Variants in RIN1 observed in about 807,000 individuals in gnomAD.
RIN1 encodes the protein ras inhibitor 1.
Under a neutral mutation model 64.9 loss-of-function variants are expected in RIN1, and 52 were observed. That is an observed-to-expected ratio of 0.80 (90% CI 0.64 to 1.01). RIN1 has a LOEUF of 1.01. Among genes scored for constraint, RIN1 ranks in the 50% least tolerant of loss-of-function variants. The probability of loss-of-function intolerance (pLI) is 0.00; values close to 1 mark genes in which losing one functional copy is unlikely to be tolerated. For missense variants in RIN1, 1,040 were observed against 1,064.5 expected (o/e 0.98, Z 0.32); for synonymous variants, 486 against 483.6 (o/e 1.00, Z -0.06).
Position 66,335,720 on chromosome 11 carries a change from C to A in RIN1, c.383-38G>T, listed in dbSNP as rs185322468. On this transcript the variant is annotated intron_variant, in intron 3 of 9. Coordinates refer to ENST00000311320, the MANE Select transcript of RIN1 (RefSeq NM_004292.3). ...GGAAGTGAGGTGCTTCTCTGGGGAA[C>A]CTCCCTGCTTCCAGCCCCTTCCCGC... The A allele has an allele frequency of 3.1e-5, 50 of 1,612,174 alleles. No homozygotes were observed. In the East Asian group the frequency reaches 1.1e-3, roughly 35 times the overall value.
At chr11:66,334,367 G>C in intron 6 of RIN1, 143 bp from the exon 7 acceptor site, 1 of 1,243,160 alleles carries the variant, frequency 8.0e-7, no homozygotes, top group South Asian at 1.4e-5. Flanking sequence ...AAGAGTTGGG[G>C]GAGAGAGGGG....
chr11:66,333,024 A>G (rs1854775584), intron 9 of RIN1: 2 of 611,638 alleles, frequency 3.3e-6, no homozygotes, highest in Admixed American at 6.0e-5. Flanking sequence ...TCCTGCATTA[A>G]CTCATTTAAT....
chr11:66,334,696 G>T lies in RIN1; in HGVS notation c.1103C>A (p.Ala368Glu). The stretch of plus-strand genomic sequence containing the variant: ...GTGTCGGTCCTGCATCAGTGCTGCC[G>T]CAGCCCGGCCCACCTGCCGCTCCGG... The part of the protein sequence containing the change: ...LAPERQVGRA[A>E]AALMQDRHTA... The change falls in exon 6 of 10, where the codon GCG (alanine) becomes GAG (glutamate). Residue 368 changes from alanine to glutamate, a missense_variant. By Grantham distance (107) the Ala-to-Glu change is moderately radical (BLOSUM62 -1). Transcript: ENST00000311320. The T allele has an allele frequency of 6.5e-7, 1 of 1,550,226 alleles. No homozygotes were observed. The highest frequency in any genetic ancestry group is 8.7e-7 in the Non-Finnish European group (1 of 1,148,604).
chr11:66,333,419 A>G lies in RIN1; in HGVS notation c.1724-10T>C. ...GTCAGGTAGTAGCCACCTGGGACAC[A>G]GGGTGGAAGAACACGGCTCAGGCTG... On this transcript the variant is annotated splice_polypyrimidine_tract_variant and intron_variant, in intron 8 of 9. Transcript: ENST00000311320. 3 of 1,604,932 alleles carry G rather than the reference A, an allele frequency of 1.9e-6. No homozygotes were observed. Among genetic ancestry groups the G allele is most frequent in the Non-Finnish European group, 2.6e-6 (3 of 1,174,356 alleles).
At chr11:66,336,747 T>C (rs1176529383), upstream of RIN1, 2 of 278,664 alleles carry the variant, frequency 7.2e-6, no homozygotes, top group African/African-American at 2.2e-5. Context: ...GGGGGCACCT[T>C]TGGCTCTGTG....
In RIN1 at chr11:66,331,459, G is replaced by A. The variant is rs900923178; in HGVS notation, c.*817C>T. The A allele has an allele frequency of 7.9e-5, 12 of 152,208 alleles. No homozygotes were observed. Among genetic ancestry groups the A allele is most frequent in the Admixed American group, 5.9e-4 (9 of 15,274 alleles). The allele number at this position is 152,208 out of a possible 1,614,324, so 9.4% of individuals were successfully genotyped here. A position where few individuals can be genotyped will look rare whatever the true frequency, so the allele number is the denominator to read the frequency against. ...GGTGGATCTCCCCAGAGATGCTGGAGGGCCTGGGAGGACTCCAAATCTTGG... is the reference window on the plus strand; with the variant it reads ...GGTGGATCTCCCCAGAGATGCTGGAAGGCCTGGGAGGACTCCAAATCTTGG... On this transcript the variant is annotated 3_prime_UTR_variant, in exon 10 of 10. Transcript: ENST00000311320.
intron 7 of RIN1, 51 bp downstream of exon 7, chr11:66,333,868 C>T (rs766312225): frequency 6.1e-4 from 892 of 1,464,246 alleles, no homozygotes; most frequent in Non-Finnish European, 7.0e-4. Flanking sequence ...CTGGGGGGCC[C>T]GCCTCTGACT....
rs1387037836 is a variant in RIN1 at position 66,335,486 on chromosome 11, G to A, written c.468C>T (p.Leu156=). 9 of 1,613,710 alleles carry A rather than the reference G, an allele frequency of 5.6e-6. No homozygotes were observed. The highest frequency in any genetic ancestry group is 7.6e-6 in the Non-Finnish European group (9 of 1,179,730). ...TGGCTCTGGGGAGCTGCAGCGGGAGGAGAAGGATGTCCCTGAGGCCAGAGA... is the reference window on the plus strand; with the variant it reads ...TGGCTCTGGGGAGCTGCAGCGGGAGAAGAAGGATGTCCCTGAGGCCAGAGA... The part of the protein sequence containing the change: ...CAYCHTRDIL[L]LPLQLPRAIH... The change falls in exon 5 of 10, where the codon CTC becomes CTT. Residue 156 remains leucine, a synonymous_variant. Coordinates refer to ENST00000311320, the MANE Select transcript of RIN1 (RefSeq NM_004292.3).
At position 66,336,359 on chromosome 11, in the gene RIN1, G is replaced by C; in HGVS notation, c.44C>G (p.Pro15Arg). The C allele has an allele frequency of 6.2e-7, 1 of 1,613,698 alleles. No homozygotes were observed. The highest frequency in any genetic ancestry group is 8.5e-7 in the Non-Finnish European group (1 of 1,179,846). The change falls in exon 1 of 10, where the codon CCC (proline) becomes CGC (arginine). Residue 15 changes from proline (P) to arginine (R), a missense_variant. By Grantham distance (103) the Pro-to-Arg change is moderately radical. Coordinates refer to ENST00000311320, the MANE Select transcript of RIN1 (RefSeq NM_004292.3). ...CCCAGTAGTGAAGCTGGACGGGCTG[G>C]GGGCTCCAGGAGAGCCCGCGCCTGA... is the stretch of plus-strand genomic sequence containing the variant. Reference protein sequence around the residue: ...GESGAGSPGAPSPSSFTTGHL... With the variant: ...GESGAGSPGARSPSSFTTGHL...
In RIN1 at chr11:66,334,757, G is replaced by A. The variant is rs995530676; in HGVS notation, c.1042C>T (p.Arg348Trp). ...GAGCAGAAGGCGGCGCTCATGGACC[G>A]AAGCAGAGGTCGTCGGCGGCCCAGG... ...PHLGRRRPLL[R>W]SMSAAFCSLL... Residue 348 changes from arginine to tryptophan, a missense_variant, in exon 6 of 10, where the codon CGG becomes TGG. Arg to Trp is a moderately radical substitution (Grantham distance 101). Coordinates refer to ENST00000311320, the MANE Select transcript of RIN1 (RefSeq NM_004292.3). 3.9e-6 allele frequency: 6 copies of A among 1,549,278 alleles called. No homozygotes were observed. Among genetic ancestry groups the A allele is most frequent in the Non-Finnish European group, 4.4e-6 (5 of 1,147,254 alleles).
At position 66,334,584 on chromosome 11, in the gene RIN1, C is replaced by A. The variant is rs148929007; in HGVS notation, c.1215G>T (p.Ala405=). The A allele has an allele frequency of 1.1e-5, 18 of 1,584,002 alleles. 1 individual carries two copies. The Admixed American group carries it at 3.1e-4, about 27-fold the overall frequency. The change falls in exon 6 of 10, where the codon GCG becomes GCT. Residue 405 remains alanine (A), a synonymous_variant. Transcript: ENST00000311320. ...EPQELQGIRQ[A]LSRARAMLSA... ...TCAGCATGGCCCGGGCCCGGCTCAG[C>A]GCCTGACGGATGCCCTGCAGCTCCT... is the stretch of plus-strand genomic sequence containing the variant.
rs1854753170 is a variant in RIN1 at position 66,332,306 on chromosome 11, C to T, written c.2322G>A (p.Glu774=). 4 of 1,614,168 alleles carry T rather than the reference C, an allele frequency of 2.5e-6. No homozygotes were observed. In the East Asian group the frequency reaches 8.9e-5, roughly 36 times the overall value. The part of the protein sequence containing the change: ...QEGPAQPGEP[E]AEGSRAAEE The stretch of plus-strand genomic sequence containing the variant: ...CCTCTGCTGCCCGGCTTCCCTCTGC[C>T]TCTGGTTCCCCTGGCTGAGCAGGGC... Residue 774 remains glutamate, a synonymous_variant, in exon 10 of 10, where the codon GAG becomes GAA. Transcript: ENST00000311320.
Position 66,336,019 on chromosome 11 carries a change from C to G in RIN1, c.226G>C (p.Ala76Pro), listed in dbSNP as rs116785901. The G allele has an allele frequency of 6.8e-7, 1 of 1,466,894 alleles. No homozygotes were observed. Among genetic ancestry groups the G allele is most frequent in the Non-Finnish European group, 9.0e-7 (1 of 1,107,916 alleles). The allele number at this position is 1,466,894 out of a possible 1,614,324, so 90.9% of individuals were successfully genotyped here. A position where few individuals can be genotyped will look rare whatever the true frequency, so the allele number is the denominator to read the frequency against. The change falls in exon 2 of 10, where the codon GCA becomes CCA. Residue 76 changes from alanine (A) to proline (P), a missense_variant. By Grantham distance (27) the Ala-to-Pro change is conservative. Transcript: ENST00000311320. Reference protein sequence around the residue: ...RPVWLQLQANAAAALHMLRTE... With the variant: ...RPVWLQLQANPAAALHMLRTE... ...CTCAGCATGTGCAGTGCGGCCGCTG[C>G]GTTGGCTTGCAGCTGCAGCCACACG... is the stretch of plus-strand genomic sequence containing the variant.
chr11:66,334,047 G>A lies in RIN1; in HGVS notation c.1463C>T (p.Ser488Phe). The A allele has an allele frequency of 6.4e-7, 1 of 1,574,448 alleles. No individual in the cohort carries two copies. The highest frequency in any genetic ancestry group is 8.6e-7 in the Non-Finnish European group (1 of 1,161,058). The stretch of plus-strand genomic sequence containing the variant: ...GCGCACTTGCTCCAACTCTACTGGG[G>A]AGGGCAGGCTCAGGTGGGACCCGAA... ...GAFGSHLSLPSPVELEQVRQK... is the reference protein window; with the variant it reads ...GAFGSHLSLPFPVELEQVRQK... Residue 488 changes from serine (S) to phenylalanine (F), a missense_variant, in exon 7 of 10, where the codon TCC (serine) becomes TTC (phenylalanine). Transcript: ENST00000311320.
chr11:66,336,073 G>T lies in RIN1; in HGVS notation c.172C>A (p.Leu58Met). 6.8e-7 allele frequency: 1 copy of T among 1,461,520 alleles called. No individual in the cohort carries two copies. Among genetic ancestry groups the T allele is most frequent in the Admixed American group, 2.6e-5 (1 of 38,712 alleles). 90.5% of individuals were successfully genotyped at this position (1,461,520 alleles called of 1,614,324 possible). A position where few individuals can be genotyped will look rare whatever the true frequency, so the allele number is the denominator to read the frequency against. The change falls in exon 2 of 10, where the codon CTG (leucine) becomes ATG (methionine). Residue 58 changes from leucine (L) to methionine (M), a missense_variant. Transcript: ENST00000311320. ...GPQRPGRVVS[L>M]RERLLLTRPV... is the part of the protein sequence containing the mutation. Reference sequence around the variant, plus strand: ...CGGGTGAGCAGCAGGCGCTCCCGCAGGCTCACAACGCGCCCCGGCCGCTGC... The same window carrying T: ...CGGGTGAGCAGCAGGCGCTCCCGCATGCTCACAACGCGCCCCGGCCGCTGC...
At position 66,334,982 on chromosome 11, in the gene RIN1, C is replaced by A. The variant is rs1341227740; in HGVS notation, c.817G>T (p.Ala273Ser). 6.4e-7 allele frequency: 1 copy of A among 1,558,786 alleles called. No homozygotes were observed. Among genetic ancestry groups the A allele is most frequent in the South Asian group, 1.2e-5 (1 of 82,432 alleles). Residue 273 changes from alanine to serine, a missense_variant, in exon 6 of 10, where the codon GCA becomes TCA. Coordinates refer to ENST00000311320, the MANE Select transcript of RIN1 (RefSeq NM_004292.3). ...PPPPVPVLPG[A>S]VPSQTERLPP... ...AGCCGCTCTGTCTGGCTGGGGACTGCCCCTGGCAGCACGGGGACGGGGGGA... is the reference window on the plus strand; with the variant it reads ...AGCCGCTCTGTCTGGCTGGGGACTGACCCTGGCAGCACGGGGACGGGGGGA...
Position 66,333,921 on chromosome 11 carries a change from T to C in RIN1, c.1589A>G (p.Glu530Gly). 2.6e-6 allele frequency: 4 copies of C among 1,523,312 alleles called. No individual in the cohort carries two copies. Among genetic ancestry groups the C allele is most frequent in the Non-Finnish European group, 8.8e-7 (1 of 1,134,854 alleles). The allele number at this position is 1,523,312 out of a possible 1,614,324, so 94.4% of individuals were successfully genotyped here. A position where few individuals can be genotyped will look rare whatever the true frequency, so the allele number is the denominator to read the frequency against. ...KLLYMALRTQ[E>G]GEGAGADEFL... The stretch of plus-strand genomic sequence containing the variant: ...GTGAGGTGGTGGCAGGGACATACCT[T>C]CCTGGGTCCTCAGGGCCATGTAGAG... Residue 530 changes from glutamate to glycine, a missense_variant and splice_region_variant, in exon 7 of 10, where the codon GAA becomes GGA. By Grantham distance (98) the Glu-to-Gly change is moderately conservative. Transcript: ENST00000311320.
intron 1 of RIN1, 28 bp from the exon 2 acceptor site, chr11:66,336,186 G>A: frequency 6.8e-7 from 1 of 1,472,424 alleles, no homozygotes; most frequent in South Asian, 1.4e-5. Context: ...GATCTGAGCA[G>A]GGAGCCAGGG....
At position 66,335,194 on chromosome 11, in the gene RIN1, A is replaced by G. The variant is rs1203670603; in HGVS notation, c.605T>C (p.Val202Ala). 1 of 1,564,978 alleles carries G rather than the reference A, an allele frequency of 6.4e-7. No homozygotes were observed. The highest frequency in any genetic ancestry group is 2.2e-5 in the East Asian group (1 of 44,644). ...KAQRGPAGGP[V>A]LPQLKARSPQ... The stretch of plus-strand genomic sequence containing the variant: ...GGACCGGGCCTTCAGCTGGGGCAAC[A>G]CTGGGCCTCCAGCCGGGCCCCGCTG... The change falls in exon 6 of 10, where the codon GTG becomes GCG. Residue 202 changes from valine (V) to alanine (A), a missense_variant. Physicochemically the swap from Val to Ala is moderately conservative, Grantham distance 64 (BLOSUM62 0). Transcript: ENST00000311320.
Sources: gnomAD v4.1 joint callset for allele counts on GRCh38, gnomAD v4.1.1 for gene constraint, MANE v1.5 for transcripts, NCBI Gene and HGNC (gene_info 2026-07-23, HGNC 2026-07-21) for gene names.